The following NOX4 variants were observed in gnomAD, a reference collection of about 807,000 sequenced individuals.
NOX4 encodes the protein NADPH oxidase 4, also known as kidney oxidase-1.
NOX4 carries 69 observed loss-of-function variants against 87.6 expected under a neutral mutation model. That is an observed-to-expected ratio of 0.79 (90% CI 0.65 to 0.96). The LOEUF (loss-of-function observed/expected upper bound fraction) is 0.96. Ranked by LOEUF, NOX4 falls within the 40% of genes least tolerant of loss-of-function variation. The pLI is 0.00. For missense variants in NOX4, 680 were observed against 681.5 expected (o/e 1.00, Z 0.02); for synonymous variants, 275 against 238.2 (o/e 1.15, Z -1.42).
intron 6 of NOX4, among the ~76,000 whole-genome samples, chr11:89,437,988 G>C (rs1489973511): frequency 6.6e-6 from 1 of 151,664 alleles, no homozygotes; most frequent in Non-Finnish European, 1.5e-5. Flanking sequence ...AGTAGTGACA[G>C]GACAGCAGCT....
chr11:89,386,214 C>T (rs939396400), intron 11 of NOX4, among the ~76,000 whole-genome samples: 1 of 152,126 alleles, frequency 6.6e-6, no homozygotes, highest in Non-Finnish European at 1.5e-5. Flanking sequence ...GCCCCAGTCT[C>T]ATTCTAGACA....
At chr11:89,526,483 G>A in the NOX4 span, among the ~76,000 whole-genome samples, 5 of 152,094 alleles carry the variant, frequency 3.3e-5, no homozygotes, top group Non-Finnish European at 5.9e-5. Context: ...GATATGGTTA[G>A]GCTTTCTGTT....
At chr11:89,374,360 A>G (rs1644915082) in intron 11 of NOX4, among the ~76,000 whole-genome samples, 2 of 152,170 alleles carry the variant, frequency 1.3e-5, no homozygotes, top group African/African-American at 4.8e-5. Flanking sequence ...TGTTGGATAT[A>G]TTAAGTACGA....
intron 6 of NOX4, among the ~76,000 whole-genome samples, chr11:89,438,905 A>T (rs866223877): frequency 2.0e-5 from 1 of 49,332 alleles, no homozygotes; most frequent in Non-Finnish European, 3.5e-5. Flanking sequence ...TTATATATAT[A>T]ATATATAATA....
chr11:89,394,480 G>C lies in NOX4; in HGVS notation c.1074+5537C>G, dbSNP rs558607527. On this transcript the variant is annotated intron_variant, in intron 11 of 17. Transcript: ENST00000263317. ...TTTCAAAATAAAGTTGCCAACACAA[G>C]GGAAGGTTAATTTCTGAAGTAATTT... Among the ~76,000 whole-genome samples the C allele has an allele frequency of 2.6e-5, 4 of 151,924 alleles. No individual in the cohort carries two copies. In the East Asian group the frequency reaches 7.8e-4, roughly 30 times the overall value.
chr11:89,371,833 C>A (rs920571086), intron 12 of NOX4, among the ~76,000 whole-genome samples: 5 of 151,850 alleles, frequency 3.3e-5, no homozygotes, highest in Non-Finnish European at 7.4e-5. Context: ...CCTGGTTTTT[C>A]ATGACTCTGA....
At chr11:89,569,693 G>T in the NOX4 span, among the ~76,000 whole-genome samples, 2 of 152,016 alleles carry the variant, frequency 1.3e-5, no homozygotes, top group Admixed American at 1.3e-4. Flanking sequence ...TCCATTTCTG[G>T]GTATATATCT....
chr11:89,425,860 C>A (rs1250498378), intron 7 of NOX4, among the ~76,000 whole-genome samples: 2 of 151,668 alleles, frequency 1.3e-5, no homozygotes, highest in Non-Finnish European at 2.9e-5. Flanking sequence ...AGCATATATA[C>A]ATATATATAT....
At chr11:89,585,201 T>C in the NOX4 span, among the ~76,000 whole-genome samples, 14 of 152,232 alleles carry the variant, frequency 9.2e-5, no homozygotes, top group African/African-American at 2.9e-4. Flanking sequence ...GCCCCAAAGA[T>C]AAGCTTTTCA....
rs61695759 is a variant in NOX4 at position 89,472,379 on chromosome 11, A to T, written c.153+18079T>A. 2.4e-4 allele frequency among the ~76,000 whole-genome samples: 37 copies of T among 151,886 alleles called. No homozygotes were observed. In the East Asian group the frequency reaches 5.8e-3, roughly 24 times the overall value. On this transcript the variant is annotated intron_variant, in intron 2 of 17. Transcript: ENST00000263317. ...TATAATCTGCTTTTTTTTCCTTAAT[A>T]CTGTCTCCAAAAGAAGCTATCAATT...
chr11:89,570,447 C>T, the NOX4 span, among the ~76,000 whole-genome samples: 2 of 152,130 alleles, frequency 1.3e-5, no homozygotes, highest in African/African-American at 4.8e-5. Context: ...ACCCCTGCAA[C>T]ATGCAATTTA....
intron 11 of NOX4, among the ~76,000 whole-genome samples, chr11:89,398,215 C>T (rs1941615885): frequency 6.6e-6 from 1 of 151,852 alleles, no homozygotes; most frequent in South Asian, 2.1e-4. Context: ...AAGACAAAAA[C>T]CACTTGATTA....
chr11:89,588,035 G>A, the NOX4 span, among the ~76,000 whole-genome samples: 62 of 151,876 alleles, frequency 4.1e-4, no homozygotes, highest in African/African-American at 1.4e-3. Context: ...TTTCTATTCC[G>A]GTGTTAGGAT....
chr11:89,561,055 A>ATATATATATATATATAT, the NOX4 span, among the ~76,000 whole-genome samples: 1 of 89,776 alleles, frequency 1.1e-5, no homozygotes, highest in African/African-American at 5.5e-5. Flanking sequence ...TCATACATAT[A>ATATATATATATATATAT]TATATATATA....
At chr11:89,418,194 G>A (rs1450897729) in intron 8 of NOX4, among the ~76,000 whole-genome samples, 1 of 151,790 alleles carries the variant, frequency 6.6e-6, no homozygotes, top group East Asian at 1.9e-4. Flanking sequence ...AAGAAAGTGA[G>A]ACTTTCACTC....
the NOX4 span, among the ~76,000 whole-genome samples, chr11:89,560,430 T>C: frequency 1.3e-5 from 2 of 152,106 alleles, no homozygotes; most frequent in East Asian, 3.9e-4. Flanking sequence ...GTCTGTAGTT[T>C]TGTGGTATTT....
chr11:89,429,759 G>A (rs1316299455), intron 7 of NOX4, among the ~76,000 whole-genome samples: 2 of 152,064 alleles, frequency 1.3e-5, no homozygotes, highest in East Asian at 1.9e-4. Flanking sequence ...ATTCACAGCC[G>A]AATTCTACCA....
chr11:89,536,670 T>G, the NOX4 span, among the ~76,000 whole-genome samples: 1 of 152,214 alleles, frequency 6.6e-6, no homozygotes, highest in African/African-American at 2.4e-5. Context: ...TTACTACTTC[T>G]TCTTTTGCTG....
chr11:89,331,005 T>C (rs1945446111), intron 17 of NOX4, among the ~76,000 whole-genome samples: 1 of 152,030 alleles, frequency 6.6e-6, no homozygotes, highest in South Asian at 2.1e-4. Context: ...TTGGCATTTG[T>C]AGAATGTTCT....
Sources: allele counts gnomAD v4.1 joint callset (sites outside exome capture counted in the v4.1 genomes callset), GRCh38; gene constraint gnomAD v4.1.1; transcripts MANE v1.5; gene names NCBI Gene and HGNC (gene_info 2026-07-23, HGNC 2026-07-21).